The following LRRC4C variants were observed in gnomAD, a reference collection of about 807,000 sequenced individuals.
LRRC4C encodes the protein leucine-rich repeat-containing protein 4C.
A neutral mutation model predicts 33.6 loss-of-function variants in LRRC4C; 5 were observed. The observed-to-expected ratio is 0.15, with a 90% confidence interval of 0.08 to 0.31. LRRC4C has a LOEUF of 0.31. Ranked by LOEUF, LRRC4C falls within the 10% of genes least tolerant of loss-of-function variation. The pLI, the probability that LRRC4C is intolerant of heterozygous loss-of-function variation, is 1.00. For missense variants in LRRC4C, 560 were observed against 796.7 expected, an observed-to-expected ratio of 0.70 and a Z score of 3.58; for synonymous variants, 329 against 302.0, an observed-to-expected ratio of 1.09 and a Z score of -0.93.
chr11:40,708,077 T>C (rs1184883861), intron 2 of LRRC4C, among the ~76,000 whole-genome samples: 1 of 152,206 alleles, frequency 6.6e-6, no homozygotes, highest in African/African-American at 2.4e-5. Flanking sequence ...TCATTTTTTA[T>C]TGCATCTGTT....
intron 2 of LRRC4C, among the ~76,000 whole-genome samples, chr11:40,699,785 C>T (rs917329235): frequency 6.6e-6 from 1 of 152,080 alleles, no homozygotes; most frequent in African/African-American, 2.4e-5. Context: ...TAGTAAGGAG[C>T]TCTAATATTT....
chr11:41,132,535 G>A (rs973522543), intron 1 of LRRC4C, among the ~76,000 whole-genome samples: 1 of 152,046 alleles, frequency 6.6e-6, no homozygotes, highest in Admixed American at 6.6e-5. Flanking sequence ...ATAATGACAA[G>A]TGAAATAAAA....
intron 2 of LRRC4C, among the ~76,000 whole-genome samples, chr11:40,898,366 A>AAAAAAAAAAAAAAAAAAAG (rs1554991246): frequency 1.6e-4 from 19 of 117,440 alleles, no homozygotes; most frequent in Admixed American, 5.5e-4. Flanking sequence ...AAAAAAAAAA[A>AAAAAAAAAAAAAAAAAAAG]AAAAAAGAAA....
At chr11:40,938,817 A>C (rs943361955) in intron 1 of LRRC4C, among the ~76,000 whole-genome samples, 2 of 152,222 alleles carry the variant, frequency 1.3e-5, no homozygotes, top group South Asian at 2.1e-4. Flanking sequence ...CACAAATTTC[A>C]AGCTCTTCTC....
chr11:40,660,401 C>A (rs1324338048), intron 2 of LRRC4C, among the ~76,000 whole-genome samples: 1 of 152,172 alleles, frequency 6.6e-6, no homozygotes, highest in Non-Finnish European at 1.5e-5. Flanking sequence ...GCACCACTGG[C>A]CACAGAAGTT....
intron 3 of LRRC4C, among the ~76,000 whole-genome samples, chr11:40,583,697 T>A (rs1010560887): frequency 2.0e-5 from 3 of 152,128 alleles, no homozygotes; most frequent in Non-Finnish European, 4.4e-5. Flanking sequence ...CTTAGTACTC[T>A]GAGTTTGCTC....
At chr11:41,235,498 C>A (rs943455708) in intron 1 of LRRC4C, among the ~76,000 whole-genome samples, 1 of 152,060 alleles carries the variant, frequency 6.6e-6, no homozygotes, top group African/African-American at 2.4e-5. Context: ...AGGCAAGCAA[C>A]ATTAAAAATT....
chr11:40,329,752 T>G (rs1384736235), intron 3 of LRRC4C, among the ~76,000 whole-genome samples: 1 of 149,752 alleles, frequency 6.7e-6, no homozygotes, highest in Non-Finnish European at 1.5e-5. Context: ...TTTTTTTTTT[T>G]TTTTTTTGAG....
intron 1 of LRRC4C, among the ~76,000 whole-genome samples, chr11:41,291,933 G>C (rs1028761582): frequency 1.3e-5 from 2 of 152,208 alleles, no homozygotes; most frequent in Admixed American, 1.3e-4. Flanking sequence ...AAGGGCATAG[G>C]AGGGTATGGA....
At chr11:41,429,731 TGGC>T (rs1955170651) in intron 1 of LRRC4C, among the ~76,000 whole-genome samples, 4 of 152,130 alleles carry the variant, frequency 2.6e-5, no homozygotes, top group African/African-American at 9.7e-5. Context: ...CTCTGCAGAA[TGGC>T]AAAGAAATTG....
intron 3 of LRRC4C, among the ~76,000 whole-genome samples, chr11:40,443,533 C>A (rs964695736): frequency 1.1e-4 from 16 of 152,104 alleles, no homozygotes; most frequent in Non-Finnish European, 1.5e-5. Flanking sequence ...AGATTCCACT[C>A]TATGTCAAAA....
chr11:40,967,243 A>G (rs1032492751), intron 1 of LRRC4C, among the ~76,000 whole-genome samples: 4 of 151,924 alleles, frequency 2.6e-5, no homozygotes, highest in African/African-American at 9.7e-5. Context: ...AGTCAGGGAA[A>G]GAGAAGACAG....
At chr11:41,093,571 C>T (rs896405183) in intron 1 of LRRC4C, among the ~76,000 whole-genome samples, 9 of 152,012 alleles carry the variant, frequency 5.9e-5, no homozygotes, top group Non-Finnish European at 1.0e-4. Flanking sequence ...TCTTTATCCT[C>T]TCTTGAAAAC....
rs548817136 is a variant in LRRC4C, at chr11:41,103,562, G to C, written c.-495-169839C>G. Among the ~76,000 whole-genome samples the C allele has an allele frequency of 2.6e-5, 4 of 152,084 alleles. No individual in the cohort carries two copies. The East Asian group carries it at 7.7e-4, about 29-fold the overall frequency. ...TATAGACATAGAAATGAGTACGACA[G>C]ACTTTCCTCACTAAAGAGGTTTATA... On this transcript the variant is annotated intron_variant, in intron 1 of 6. Coordinates refer to ENST00000528697, the MANE Select transcript of LRRC4C (RefSeq NM_001258419.2).
intron 1 of LRRC4C, among the ~76,000 whole-genome samples, chr11:41,254,792 G>A (rs1413864776): frequency 6.6e-6 from 1 of 151,946 alleles, no homozygotes; most frequent in African/African-American, 2.4e-5. Context: ...TTTGACAATG[G>A]CAAAGCTTTT....
At chr11:40,797,416 GT>G (rs1950876940) in intron 2 of LRRC4C, among the ~76,000 whole-genome samples, 1 of 152,160 alleles carries the variant, frequency 6.6e-6, no homozygotes, top group Non-Finnish European at 1.5e-5. Flanking sequence ...GAGATGTACA[GT>G]TTTGGAAATC....
intron 1 of LRRC4C, among the ~76,000 whole-genome samples, chr11:41,368,779 G>C (rs1565618059): frequency 6.6e-6 from 1 of 152,170 alleles, no homozygotes; most frequent in Non-Finnish European, 1.5e-5. Flanking sequence ...GGGTCATAAA[G>C]CTCTGCAGCA....
At chr11:40,681,771 A>C (rs1944701985) in intron 2 of LRRC4C, among the ~76,000 whole-genome samples, 1 of 152,178 alleles carries the variant, frequency 6.6e-6, no homozygotes, top group Admixed American at 6.6e-5. Flanking sequence ...AGCCATAAAA[A>C]GGAATGAATT....
intron 3 of LRRC4C, among the ~76,000 whole-genome samples, chr11:40,533,498 C>T (rs1956353480): frequency 6.6e-6 from 1 of 151,880 alleles, no homozygotes; most frequent in African/African-American, 2.4e-5. Context: ...GAATTGACCT[C>T]AAAGGTTTAA....
Sources: gnomAD v4.1 joint callset for allele counts (sites outside exome capture counted in the v4.1 genomes callset) on GRCh38, gnomAD v4.1.1 for gene constraint, MANE v1.5 for transcripts, NCBI Gene and HGNC (gene_info 2026-07-23, HGNC 2026-07-21) for gene names.